B3GALT1: variants seen among roughly 807,000 people sequenced by gnomAD.
B3GALT1 encodes the protein UDP-Gal:betaGlcNAc beta 1,3-galactosyltransferase, polypeptide 1.
Under a neutral mutation model 23.2 loss-of-function variants are expected in B3GALT1, and 10 were observed. The ratio of observed to expected loss-of-function variants is 0.43; its 90% CI spans 0.27 to 0.73. The LOEUF is 0.73. Ranked by LOEUF, B3GALT1 falls within the 30% of genes least tolerant of loss-of-function variation. B3GALT1 has a pLI of 0.21. For missense variants in B3GALT1, 299 were observed against 405.4 expected, an observed-to-expected ratio of 0.74 and a Z score of 2.25; for synonymous variants, 156 against 141.5, an observed-to-expected ratio of 1.10 and a Z score of -0.73.
chr2:167,672,617 C>T (rs757158136), intron 3 of B3GALT1, among the ~76,000 whole-genome samples: 1 of 152,110 alleles, frequency 6.6e-6, no homozygotes, highest in African/African-American at 2.4e-5. Context: ...GTCTAATCCC[C>T]CTGTGGCCAA....
chr2:167,427,295 G>T (rs1299424521), intron 1 of B3GALT1, among the ~76,000 whole-genome samples: 1 of 152,116 alleles, frequency 6.6e-6, no homozygotes, highest in Non-Finnish European at 1.5e-5. Context: ...GCATCTGCTT[G>T]TTGGTGAAGT....
At chr2:167,844,077 T>G (rs67731246) in intron 4 of B3GALT1, among the ~76,000 whole-genome samples, 6,437 of 152,210 alleles carry the variant, frequency 0.042, 157 homozygotes, top group South Asian at 0.071. Flanking sequence ...GCTTACATGA[T>G]TGGAATATGG....
intron 1 of B3GALT1, among the ~76,000 whole-genome samples, chr2:167,305,355 G>A (rs1202004653): frequency 1.3e-5 from 2 of 152,034 alleles, no homozygotes; most frequent in African/African-American, 4.8e-5. Flanking sequence ...TACCTTTGTT[G>A]AAAGTGCCAT....
rs372758891 is a variant in B3GALT1 at position 167,558,598 on chromosome 2, C to A, written c.-410+68321C>A. Among the ~76,000 whole-genome samples the A allele has an allele frequency of 1.6e-4, 25 of 152,272 alleles. 1 individual carries two copies. The East Asian group carries it at 2.7e-3, about 17-fold the overall frequency. The stretch of plus-strand genomic sequence containing the variant: ...TGGCACCTGGAAAATTGGATCACTC[C>A]CACCTGAATACTGCGCTTTTCCGAC... On this transcript the variant is annotated intron_variant, in intron 2 of 4. Coordinates refer to ENST00000392690, the MANE Select transcript of B3GALT1 (RefSeq NM_020981.4).
chr2:167,458,142 T>A (rs1228267537), intron 1 of B3GALT1, among the ~76,000 whole-genome samples: 1 of 152,156 alleles, frequency 6.6e-6, no homozygotes, highest in Non-Finnish European at 1.5e-5. Context: ...CCTCAGCCCC[T>A]AACAACCACC....
At chr2:167,627,127 C>T (rs1372495301) in intron 2 of B3GALT1, among the ~76,000 whole-genome samples, 3 of 151,504 alleles carry the variant, frequency 2.0e-5, no homozygotes, top group Non-Finnish European at 4.4e-5. Flanking sequence ...GCTCAGGTCT[C>T]CATAATTCAA....
chr2:167,634,112 C>T (rs760449766), intron 2 of B3GALT1, among the ~76,000 whole-genome samples: 4 of 151,820 alleles, frequency 2.6e-5, no homozygotes, highest in East Asian at 3.9e-4. Context: ...AAATAAATAA[C>T]GAAATTAAGG....
At chr2:167,655,827 A>T (rs536356545) in intron 3 of B3GALT1, among the ~76,000 whole-genome samples, 41 of 152,302 alleles carry the variant, frequency 2.7e-4, no homozygotes, top group Non-Finnish European at 4.1e-4. Context: ...GAAATTGACA[A>T]TGTAGGCCTG....
intron 2 of B3GALT1, among the ~76,000 whole-genome samples, chr2:167,509,060 G>A (rs1242711992): frequency 6.6e-6 from 1 of 152,178 alleles, no homozygotes; most frequent in Non-Finnish European, 1.5e-5. Flanking sequence ...AAGGATGGAT[G>A]TCAATTAACT....
At chr2:167,673,089 T>TA (rs1450903900) in intron 3 of B3GALT1, among the ~76,000 whole-genome samples, 1 of 151,814 alleles carries the variant, frequency 6.6e-6, no homozygotes, top group Non-Finnish European at 1.5e-5. Context: ...TAGGAGTTGA[T>TA]ATAGTAGATA....
At chr2:167,538,627 C>G (rs1224969615) in intron 2 of B3GALT1, among the ~76,000 whole-genome samples, 1 of 152,174 alleles carries the variant, frequency 6.6e-6, no homozygotes, top group Admixed American at 6.5e-5. Context: ...ACTCTGTTCA[C>G]AGGAGATGTC....
In B3GALT1 at chr2:167,477,056, C is replaced by A. The variant is rs1574095496; in HGVS notation, c.-510-13121C>A. 5.3e-5 allele frequency among the ~76,000 whole-genome samples: 8 copies of A among 152,244 alleles called. No individual in the cohort carries two copies. In the South Asian group the frequency reaches 1.4e-3, roughly 28 times the overall value. ...AAGCTTTAGGAGTCATCAAAGAATC[C>A]TAATGCGTAACTCAAAATGAGGAGC... On this transcript the variant is annotated intron_variant, in intron 1 of 4. Transcript: ENST00000392690.
intron 2 of B3GALT1, among the ~76,000 whole-genome samples, chr2:167,533,339 G>T (rs1390115993): frequency 6.6e-6 from 1 of 151,120 alleles, no homozygotes; most frequent in East Asian, 1.9e-4. Context: ...TTTTCTGAGA[G>T]TTTTTTTTTA....
intron 2 of B3GALT1, among the ~76,000 whole-genome samples, chr2:167,537,570 A>G (rs1280441292): frequency 6.6e-6 from 1 of 152,154 alleles, no homozygotes; most frequent in Non-Finnish European, 1.5e-5. Flanking sequence ...ATCCACGTAG[A>G]TGCTGAAGCC....
intron 1 of B3GALT1, among the ~76,000 whole-genome samples, chr2:167,423,188 G>A (rs750036586): frequency 1.6e-4 from 24 of 152,056 alleles, no homozygotes; most frequent in Non-Finnish European, 3.2e-4. Context: ...AGGCAGTATT[G>A]TAAATGAAGG....
chr2:167,499,948 A>G (rs920417432), intron 2 of B3GALT1, among the ~76,000 whole-genome samples: 2 of 152,072 alleles, frequency 1.3e-5, no homozygotes, highest in East Asian at 3.9e-4. Flanking sequence ...TTTAAGTAAA[A>G]TACTGGCAGG....
chr2:167,556,514 A>G (rs1431032677), intron 2 of B3GALT1, among the ~76,000 whole-genome samples: 1 of 152,178 alleles, frequency 6.6e-6, no homozygotes, highest in Non-Finnish European at 1.5e-5. Flanking sequence ...AGCCTTTCTC[A>G]TGTTAAAAAA....
chr2:167,724,882 A>G (rs368450048), intron 3 of B3GALT1, among the ~76,000 whole-genome samples: 5 of 152,246 alleles, frequency 3.3e-5, no homozygotes, highest in South Asian at 2.1e-4. Flanking sequence ...TCAGAGACCT[A>G]CAGGTGTCCA....
intron 4 of B3GALT1, among the ~76,000 whole-genome samples, chr2:167,865,997 A>ATCCTC (rs1204545665): frequency 1.3e-5 from 2 of 151,098 alleles, no homozygotes; most frequent in Non-Finnish European, 2.9e-5. Context: ...CCATCATCCT[A>ATCCTC]TCCTCTTCTT....
Sources: allele counts gnomAD v4.1 joint callset (sites outside exome capture counted in the v4.1 genomes callset), GRCh38; gene constraint gnomAD v4.1.1; transcripts MANE v1.5; gene names NCBI Gene and HGNC (gene_info 2026-07-23, HGNC 2026-07-21).